Variants in ASPM observed in about 807,000 individuals in gnomAD.
The protein encoded by ASPM is assembly factor for spindle microtubules, also known as abnormal spindle-like microcephaly-associated protein.
ASPM carries 256 observed loss-of-function variants against 366.4 expected under a neutral mutation model. That is an observed-to-expected ratio of 0.70 (90% CI 0.63 to 0.77). The LOEUF (loss-of-function observed/expected upper bound fraction) is 0.77. Ranked by LOEUF, ASPM falls within the 30% of genes least tolerant of loss-of-function variation. The pLI, the probability that ASPM is intolerant of heterozygous loss-of-function variation, is 0.00. For missense variants in ASPM, 4,146 were observed against 4,090.4 expected (o/e 1.01, Z -0.37); for synonymous variants, 1,414 against 1,342.9 (o/e 1.05, Z -1.16).
rs79928617 is a variant in ASPM at position 197,114,477 on chromosome 1, C to T, written c.4065+3312G>A. Among the ~76,000 whole-genome samples the T allele has an allele frequency of 1.1e-3, 162 of 152,272 alleles. 1 individual carries two copies. In the East Asian group the frequency reaches 0.031, roughly 29 times the overall value. ...TACAATGCCACTTATTAGCGTTTTACCCAAAGTAGAGATTCTTTTAAAATT... is the reference window on the plus strand; with the variant it reads ...TACAATGCCACTTATTAGCGTTTTATCCAAAGTAGAGATTCTTTTAAAATT... On this transcript the variant is annotated intron_variant, in intron 17 of 27. Coordinates refer to ENST00000367409, the MANE Select transcript of ASPM (RefSeq NM_018136.5).
In ASPM at chr1:197,139,916, T is replaced by C. The variant is rs747751767; in HGVS notation, c.1922-45A>G. 7 of 1,303,932 alleles carry C rather than the reference T, an allele frequency of 5.4e-6. No homozygotes were observed. The East Asian group carries it at 1.6e-4, about 30-fold the overall frequency. 80.8% of individuals were successfully genotyped at this position (1,303,932 alleles called of 1,614,324 possible). Reference sequence around the variant, plus strand: ...AAAACTAAGAGCATTAAAATACAAATTCCCTAAATAGGTCAGTGATTTGAA... The same window carrying C: ...AAAACTAAGAGCATTAAAATACAAACTCCCTAAATAGGTCAGTGATTTGAA... On this transcript the variant is annotated intron_variant, in intron 3 of 27. Coordinates refer to ENST00000367409, the MANE Select transcript of ASPM (RefSeq NM_018136.5).
At chr1:197,099,161 T>C (rs1657077117) in intron 18 of ASPM, among the ~76,000 whole-genome samples, 1 of 151,584 alleles carries the variant, frequency 6.6e-6, no homozygotes, top group Non-Finnish European at 1.5e-5. Flanking sequence ...CCTATTTTCA[T>C]TTGGTCTACC....
chr1:197,105,291 T>C (rs1161847292), intron 17 of ASPM, 106 bp from the exon 18 acceptor site: 6 of 895,288 alleles, frequency 6.7e-6, no homozygotes, highest in East Asian at 2.6e-5. Context: ...AATAAACACA[T>C]TGAATTAGAA....
rs112020116 is a variant in ASPM at position 197,096,128 on chromosome 1, A to G, written c.8857T>C (p.Cys2953Arg). The G allele has an allele frequency of 2.5e-6, 4 of 1,608,996 alleles. No individual in the cohort carries two copies. The highest frequency in any genetic ancestry group is 1.7e-5 in the Admixed American group (1 of 59,854). The stretch of plus-strand genomic sequence containing the variant: ...ATCTTGCAGGCAGCTTTCACTTTAC[A>G]TAAATATTTCTTGGCTCTATATCTC... Reference protein sequence around the residue: ...WRRYRAKKYLCKVKAACKIQA... With the variant: ...WRRYRAKKYLRKVKAACKIQA... The change falls in exon 19 of 28, where the codon TGT becomes CGT. Residue 2953 changes from cysteine (C) to arginine (R), a missense_variant. Cys to Arg is a radical substitution (Grantham distance 180). Around this residue, in one of 3 missense-constraint regions of ASPM, gnomAD observed 3,624 missense variants for 3,591.7 expected, o/e 1.01. Coordinates refer to ENST00000367409, the MANE Select transcript of ASPM (RefSeq NM_018136.5).
chr1:197,100,778 A>G lies in ASPM; in HGVS notation c.8473T>C (p.Phe2825Leu). ...SRAAVTIQKA[F>L]CRMVTRKLET... Reference sequence around the variant, plus strand: ...AGTTTTCTTGTGACCATTCTACAAAAAGCTTTTTGAATTGTTACTGCAGCC... The same window carrying G: ...AGTTTTCTTGTGACCATTCTACAAAGAGCTTTTTGAATTGTTACTGCAGCC... Residue 2825 changes from phenylalanine to leucine, a missense_variant, in exon 18 of 28, where the codon TTT (phenylalanine) becomes CTT (leucine). Physicochemically the swap from Phe to Leu is conservative, Grantham distance 22 (BLOSUM62 0). Around this residue, in one of 3 missense-constraint regions of ASPM, gnomAD observed 3,624 missense variants for 3,591.7 expected, o/e 1.01. Transcript: ENST00000367409. 1 of 1,612,528 alleles carries G rather than the reference A, an allele frequency of 6.2e-7. No individual in the cohort carries two copies. The highest frequency in any genetic ancestry group is 8.5e-7 in the Non-Finnish European group (1 of 1,179,122).
intron 16 of ASPM, among the ~76,000 whole-genome samples, chr1:197,121,404 A>G (rs925529748): frequency 6.6e-5 from 10 of 152,168 alleles, no homozygotes; most frequent in African/African-American, 2.4e-4. Flanking sequence ...AAACCAAAAT[A>G]CCACTTTTAA....
rs1658211827 is a variant in ASPM at position 197,129,969 on chromosome 1, G to A, written c.2575C>T (p.Pro859Ser). 6.2e-7 allele frequency: 1 copy of A among 1,613,818 alleles called. No individual in the cohort carries two copies. The highest frequency in any genetic ancestry group is 1.3e-5 in the African/African-American group (1 of 74,918). The change falls in exon 8 of 28, where the codon CCT (proline) becomes TCT (serine). Residue 859 changes from proline to serine, a missense_variant. This residue lies in a region of ASPM where 3,624 missense variants were observed against 3,591.7 expected (regional missense o/e 1.01). Coordinates refer to ENST00000367409, the MANE Select transcript of ASPM (RefSeq NM_018136.5). ...MFILNRLLWN[P>S]DIAAEYRHPT... ...TGTCTATACTCAGCTGCTATATCAG[G>A]ATTCCAAAGTAGGCGATTCAGAATA... is the stretch of plus-strand genomic sequence containing the variant.
chr1:197,122,268 T>C lies in ASPM; in HGVS notation c.3632A>G (p.Glu1211Gly), dbSNP rs766016273. The C allele has an allele frequency of 1.2e-6, 2 of 1,613,688 alleles. No homozygotes were observed. Among genetic ancestry groups the C allele is most frequent in the East Asian group, 4.5e-5 (2 of 44,870 alleles). The change falls in exon 15 of 28, where the codon GAA becomes GGA. Residue 1211 changes from glutamate to glycine, a missense_variant. By Grantham distance (98) the Glu-to-Gly change is moderately conservative. Transcript: ENST00000367409. ...CAAGTGAAAATTTTTCTTTTCATTT[T>C]CTAGGAGCTCTTTGTATAGCTCTGA... ...NTSELYKELL[E>G]NEKKNFHLVR...
In ASPM at chr1:197,117,999, C is replaced by T; in HGVS notation, c.3871-16G>A. ...TCTCTCTCTCCTAAAATAAAAAAGT[C>T]AGCAAATGTAAATTAAACACTCACT... On this transcript the variant is annotated splice_polypyrimidine_tract_variant and intron_variant, in intron 16 of 27. Coordinates refer to ENST00000367409, the MANE Select transcript of ASPM (RefSeq NM_018136.5). The T allele has an allele frequency of 6.2e-7, 1 of 1,606,414 alleles. No individual in the cohort carries two copies. The highest frequency in any genetic ancestry group is 8.5e-7 in the Non-Finnish European group (1 of 1,173,828).
chr1:197,095,972 C>T (rs2125090908), intron 19 of ASPM, 26 bp downstream of exon 19: 1 of 1,577,252 alleles, frequency 6.3e-7, no homozygotes, highest in Non-Finnish European at 8.7e-7. Context: ...TACTTTTACA[C>T]TCTCCACAGA....
rs767638469 is a variant in ASPM at position 197,124,090 on chromosome 1, C to CA, written c.3390+19dup. 1.9e-6 allele frequency: 3 copies of CA among 1,585,134 alleles called. No individual in the cohort carries two copies. The highest frequency in any genetic ancestry group is 2.6e-6 in the Non-Finnish European group (3 of 1,156,524). ...TTTATTAAAATATATTGGGTTAAAA[C>CA]AAAAAACAAAGAAACTTACCTTTTT... On this transcript the variant is annotated intron_variant, in intron 13 of 27. Coordinates refer to ENST00000367409, the MANE Select transcript of ASPM (RefSeq NM_018136.5).
intron 16 of ASPM, among the ~76,000 whole-genome samples, chr1:197,118,655 CTGAACA>C (rs1157441710): frequency 6.6e-6 from 1 of 152,136 alleles, no homozygotes; most frequent in Non-Finnish European, 1.5e-5. Flanking sequence ...CAGCACCATT[CTGAACA>C]CTTCATGAAC....
Position 197,093,215 on chromosome 1 carries a change from T to G in ASPM, c.9131A>C (p.Lys3044Thr), listed in dbSNP as rs376964056. 17 of 1,612,460 alleles carry G rather than the reference T, an allele frequency of 1.1e-5. No individual in the cohort carries two copies. Among genetic ancestry groups the G allele is most frequent in the African/African-American group, 2.7e-5 (2 of 74,818 alleles). Residue 3044 changes from lysine (K) to threonine (T), a missense_variant, in exon 21 of 28, where the codon AAA becomes ACA. Physicochemically the swap from Lys to Thr is moderately conservative, Grantham distance 78. Coordinates refer to ENST00000367409, the MANE Select transcript of ASPM (RefSeq NM_018136.5). ...CLIQAHYRGY[K>T]GRQVFLRQKS... ...CTGCCGAAGAAAGACCTGCCTTCCT[T>G]TATATCCTCTATAATGTGCTTGGAT...
Position 197,146,374 on chromosome 1 carries a change from C to A in ASPM, c.64G>T (p.Ala22Ser). Residue 22 changes from alanine to serine, a missense_variant, in exon 1 of 28, where the codon GCG (alanine) becomes TCG (serine). Physicochemically the swap from Ala to Ser is moderately conservative, Grantham distance 99. This residue lies in a region of ASPM where 512 missense variants were observed against 471.7 expected (regional missense o/e 1.09). Coordinates refer to ENST00000367409, the MANE Select transcript of ASPM (RefSeq NM_018136.5). ...TCGGCCGCGGGGCCCCGCAGCCCCG[C>A]GGGCGGCCTCCGCTCGGTCGGGCTC... ...EVSPTERRPP[A>S]GLRGPAAEEE... 6.2e-7 allele frequency: 1 copy of A among 1,606,834 alleles called. No homozygotes were observed. The highest frequency in any genetic ancestry group is 8.5e-7 in the Non-Finnish European group (1 of 1,178,282).
At position 197,103,136 on chromosome 1, in the gene ASPM, T is replaced by C. The variant is rs1223762173; in HGVS notation, c.6115A>G (p.Arg2039Gly). The change falls in exon 18 of 28, where the codon AGA (arginine) becomes GGA (glycine). Residue 2039 changes from arginine (R) to glycine (G), a missense_variant. Around this residue, in one of 3 missense-constraint regions of ASPM, gnomAD observed 3,624 missense variants for 3,591.7 expected, o/e 1.01. Transcript: ENST00000367409. Reference protein sequence around the residue: ...SAYRGMKVRKRIKDCNKAAVT... With the variant: ...SAYRGMKVRKGIKDCNKAAVT... ...GCTGCTTTGTTGCAATCCTTTATTC[T>C]TTTTCTCACTTTCATACCACGATAA... 1.9e-6 allele frequency: 3 copies of C among 1,612,658 alleles called. No individual in the cohort carries two copies. The highest frequency in any genetic ancestry group is 3.3e-5 in the Admixed American group (2 of 59,800).
At chr1:197,092,205 A>C (rs1656808204) in intron 21 of ASPM, 149 bp from the exon 22 acceptor site, 5 of 793,380 alleles carry the variant, frequency 6.3e-6, no homozygotes, top group Middle Eastern at 3.7e-4. Context: ...ATTGTAATTC[A>C]AAGTAATTAC....
At chr1:197,086,109 AGTTTATAAT>A in intron 27 of ASPM, among the ~76,000 whole-genome samples, 1 of 152,202 alleles carries the variant, frequency 6.6e-6, no homozygotes, top group Admixed American at 6.5e-5. Context: ...TACATTATAC[AGTTTATAAT>A]TATGAGTATA....
rs1321909479 is a variant in ASPM at position 197,143,123 on chromosome 1, C to A, written c.1129G>T (p.Gly377Ter). 6.2e-7 allele frequency: 1 copy of A among 1,612,364 alleles called. No homozygotes were observed. The highest frequency in any genetic ancestry group is 8.5e-7 in the Non-Finnish European group (1 of 1,178,864). Residue 377 changes from glycine (G) to a stop codon, truncating the protein, a stop_gained, in exon 3 of 28, where the codon GGA becomes TGA. Transcript: ENST00000367409. LOFTEE classifies it high-confidence loss of function. The part of the protein sequence containing the change: ...SPDSFIKDNY[G>*]LNQDLESESV... ...TCTGATTCTAGATCCTGATTTAGTC[C>A]ATAATTATCTTTTATGAAAGAATCT...
At position 197,096,068 on chromosome 1, in the gene ASPM, C is replaced by A; in HGVS notation, c.8917G>T (p.Glu2973Ter). 1 of 1,608,846 alleles carries A rather than the reference C, an allele frequency of 6.2e-7. No individual in the cohort carries two copies. The highest frequency in any genetic ancestry group is 1.3e-5 in the African/African-American group (1 of 74,764). Residue 2973 changes from glutamate to a stop codon, truncating the protein, a stop_gained, in exon 19 of 28, where the codon GAA becomes TAA. Coordinates refer to ENST00000367409, the MANE Select transcript of ASPM (RefSeq NM_018136.5). LOFTEE classifies it high-confidence loss of function. ...AWYRCWRAHK[E>*]YLAILKAVKI... ...ACAGCTTTTAATATAGCTAGATATT[C>A]TTTGTGTGCTCTCCAACATCTATAC...
Sources: gnomAD v4.1 joint callset for allele counts (sites outside exome capture counted in the v4.1 genomes callset) on GRCh38, gnomAD v4.1.1 for gene constraint, gnomAD v4.1.1 regional missense constraint, MANE v1.5 for transcripts, NCBI Gene and HGNC (gene_info 2026-07-23, HGNC 2026-07-21) for gene names.